The following CRY2 variants were observed in gnomAD, a reference collection of about 807,000 sequenced individuals.
CRY2 encodes cryptochrome circadian regulator 2, also known as cryptochrome-2.
In CRY2, 31 loss-of-function variants were observed where a neutral mutation model predicts 69.5. The observed-to-expected ratio is 0.45, with a 90% confidence interval of 0.34 to 0.60. CRY2 has a LOEUF of 0.60. CRY2 is among the 20% of genes least tolerant of loss of function. The pLI, the probability that CRY2 is intolerant of heterozygous loss-of-function variation, is 0.02. For missense variants in CRY2, 606 were observed against 797.8 expected (o/e 0.76, Z 2.90); for synonymous variants, 303 against 312.2 (o/e 0.97, Z 0.31).
intron 11 of CRY2, among the ~76,000 whole-genome samples, chr11:45,877,806 G>A (rs1329362249): frequency 6.6e-6 from 1 of 152,182 alleles, no homozygotes; most frequent in Non-Finnish European, 1.5e-5. Context: ...GAGGACAAGA[G>A]CATGGCACCA....
rs147703274 is a variant in CRY2, at chr11:45,872,218, G to A, written c.1769G>A (p.Ser590Asn). 518 of 1,614,086 alleles carry A rather than the reference G, an allele frequency of 3.2e-4. 1 individual carries two copies. The African/African-American group carries it at 3.5e-3, about 11-fold the overall frequency. Residue 590 changes from serine to asparagine, a missense_variant, in exon 11 of 12, where the codon AGC becomes AAC. Physicochemically the swap from Ser to Asn is conservative, Grantham distance 46. Coordinates refer to ENST00000616080, the MANE Select transcript of CRY2 (RefSeq NM_021117.5). ...GAGTTGCCAACCCCAGAGCTGCCGA[G>A]CAAGGATGCCTGAGAGTGAGTGACA... ...VAELPTPELPSKDA is the reference protein window; with the variant it reads ...VAELPTPELPNKDA
intron 4 of CRY2, 65 bp from the exon 5 acceptor site, chr11:45,861,995 C>G (rs2086291833): frequency 8.1e-6 from 11 of 1,351,042 alleles, no homozygotes; most frequent in Non-Finnish European, 1.0e-5. Flanking sequence ...AATAACAGAA[C>G]AGCCGTGCCG....
chr11:45,867,540 C>T, intron 5 of CRY2, 72 bp from the exon 6 acceptor site: 3 of 1,588,354 alleles, frequency 1.9e-6, no homozygotes, highest in South Asian at 2.2e-5. Context: ...ATTCCTTAAC[C>T]ACCCAATGCC....
At chr11:45,854,377 T>C (rs2086222810) in intron 1 of CRY2, among the ~76,000 whole-genome samples, 2 of 152,150 alleles carry the variant, frequency 1.3e-5, no homozygotes, top group South Asian at 4.2e-4. Flanking sequence ...GGTGTGCAAC[T>C]AGAAATCTTT....
intron 1 of CRY2, among the ~76,000 whole-genome samples, chr11:45,849,761 C>T (rs1325138828): frequency 1.3e-5 from 2 of 152,088 alleles, no homozygotes; most frequent in Admixed American, 1.3e-4. Context: ...GCCAGGATTA[C>T]AGGTGGCCAT....
At chr11:45,855,482 A>G (rs1398594532) in intron 1 of CRY2, among the ~76,000 whole-genome samples, 1 of 152,154 alleles carries the variant, frequency 6.6e-6, no homozygotes, top group Non-Finnish European at 1.5e-5. Context: ...GGCTTTTCAG[A>G]TGGCTCCCAC....
chr11:45,859,755 C>T (rs927569166), intron 3 of CRY2, among the ~76,000 whole-genome samples: 1 of 152,052 alleles, frequency 6.6e-6, no homozygotes, highest in Non-Finnish European at 1.5e-5. Context: ...CCTGCCATGC[C>T]AGAGCTGTCA....
intron 11 of CRY2, among the ~76,000 whole-genome samples, chr11:45,876,226 C>CTCTGA (rs200676630): frequency 0.022 from 3,356 of 152,294 alleles, 62 homozygotes; most frequent in Non-Finnish European, 0.035. Context: ...TCTCCTTTAG[C>CTCTGA]TCTGAGCTCT....
intron 11 of CRY2, among the ~76,000 whole-genome samples, chr11:45,873,457 A>G (rs901461796): frequency 1.3e-5 from 2 of 152,190 alleles, no homozygotes; most frequent in Non-Finnish European, 2.9e-5. Flanking sequence ...CTACTCTCTC[A>G]GTTATCTCTT....
intron 11 of CRY2, among the ~76,000 whole-genome samples, chr11:45,877,888 C>T (rs887128404): frequency 2.6e-5 from 4 of 152,188 alleles, no homozygotes; most frequent in Non-Finnish European, 4.4e-5. Flanking sequence ...GTAGGCGAGG[C>T]CAAGTTGGTT....
intron 5 of CRY2, 43 bp downstream of exon 5, chr11:45,862,191 C>A: frequency 6.4e-7 from 1 of 1,567,734 alleles, no homozygotes; most frequent in Non-Finnish European, 8.7e-7. Flanking sequence ...ATACTGATAT[C>A]CACACAGCAG....
In CRY2 at chr11:45,870,529, C is replaced by T. The variant is rs1412440368; in HGVS notation, c.1546C>T (p.Leu516Phe). ...IYQQLSRYRG[L>F]CLLASVPSCV... ...CCAGCAGCTTTCGCGCTACCGGGGA[C>T]TCTGTAAGGAGACAAACACCTAGCT... The change falls in exon 9 of 12, where the codon CTC (leucine) becomes TTC (phenylalanine). Residue 516 changes from leucine (L) to phenylalanine (F), a missense_variant. By Grantham distance (22) the Leu-to-Phe change is conservative. Around this residue, in one of 5 missense-constraint regions of CRY2, gnomAD observed 173 missense variants for 213.7 expected, o/e 0.81. Transcript: ENST00000616080. The T allele has an allele frequency of 6.2e-6, 10 of 1,613,942 alleles. No homozygotes were observed. The East Asian group carries it at 2.2e-4, about 36-fold the overall frequency.
At chr11:45,874,527 A>G (rs1268431111) in intron 11 of CRY2, among the ~76,000 whole-genome samples, 1 of 152,188 alleles carries the variant, frequency 6.6e-6, no homozygotes, top group Non-Finnish European at 1.5e-5. Context: ...TCAAGAGCTC[A>G]TGTTTTGCCA....
intron 11 of CRY2, among the ~76,000 whole-genome samples, chr11:45,877,868 G>A (rs1035614849): frequency 6.6e-6 from 1 of 152,168 alleles, no homozygotes; most frequent in East Asian, 1.9e-4. Context: ...ACAGGCCTTT[G>A]GCTAGCTTTG....
chr11:45,861,896 C>A, intron 4 of CRY2, 164 bp from the exon 5 acceptor site: 1 of 622,122 alleles, frequency 1.6e-6, no homozygotes, highest in East Asian at 2.9e-5. Flanking sequence ...GGGAAGAGAA[C>A]CAAGTTGACC....
chr11:45,872,635 A>G (rs1308196870), intron 11 of CRY2, among the ~76,000 whole-genome samples: 1 of 152,262 alleles, frequency 6.6e-6, no homozygotes, highest in African/African-American at 2.4e-5. Context: ...GACTTTTAGG[A>G]TTTCAGCTCA....
In CRY2 at chr11:45,869,667, G is replaced by A; in HGVS notation, c.1044G>A (p.Lys348=). Residue 348 remains lysine (K), a synonymous_variant, in exon 7 of 12, where the codon AAG becomes AAA. Coordinates refer to ENST00000616080, the MANE Select transcript of CRY2 (RefSeq NM_021117.5). ...ACCGCAATCCTGAGGCCCTGGCCAAGTGGGCTGAGGGCAAGACAGGCTTCC... is the reference window on the plus strand; with the variant it reads ...ACCGCAATCCTGAGGCCCTGGCCAAATGGGCTGAGGGCAAGACAGGCTTCC... ...PWDRNPEALA[K]WAEGKTGFPW... 1 of 1,614,268 alleles carries A rather than the reference G, an allele frequency of 6.2e-7. No individual in the cohort carries two copies.
chr11:45,855,155 C>T (rs2086229635), intron 1 of CRY2, among the ~76,000 whole-genome samples: 2 of 140,980 alleles, frequency 1.4e-5, no homozygotes, highest in Admixed American at 1.4e-4. Context: ...CTGCGGTCTT[C>T]CCCACCCCCA....
At chr11:45,859,186 A>T (rs2086266463) in intron 3 of CRY2, among the ~76,000 whole-genome samples, 1 of 152,052 alleles carries the variant, frequency 6.6e-6, no homozygotes, top group African/African-American at 2.4e-5. Flanking sequence ...TCCCACTTCC[A>T]TCCTGCTCAA....
Sources: gnomAD v4.1 joint callset for allele counts (sites outside exome capture counted in the v4.1 genomes callset) on GRCh38, gnomAD v4.1.1 for gene constraint, gnomAD v4.1.1 regional missense constraint, MANE v1.5 for transcripts, NCBI Gene and HGNC (gene_info 2026-07-23, HGNC 2026-07-21) for gene names.